Variants in ZNF804A observed in about 807,000 individuals in gnomAD.
The protein encoded by ZNF804A is zinc finger protein 804A.
ZNF804A carries 2 observed loss-of-function variants against 16.5 expected under a neutral mutation model. That is an observed-to-expected ratio of 0.12 (90% CI 0.05 to 0.38). ZNF804A has a LOEUF of 0.38. ZNF804A is among the 10% of genes least tolerant of loss of function. ZNF804A has a pLI of 0.99. For synonymous variants in ZNF804A, 534 were observed against 489.6 expected, an observed-to-expected ratio of 1.09 and a Z score of -1.20; for missense variants, 1,473 against 1,390.7, an observed-to-expected ratio of 1.06 and a Z score of -0.94.
intron 1 of ZNF804A, among the ~76,000 whole-genome samples, chr2:184,678,124 A>G (rs752402649): frequency 9.9e-5 from 15 of 152,156 alleles, no homozygotes; most frequent in Middle Eastern, 3.4e-3. Flanking sequence ...TGTTGTTTTA[A>G]TATATCTCCA....
At chr2:184,889,837 A>G (rs1056169379) in intron 2 of ZNF804A, among the ~76,000 whole-genome samples, 4 of 152,134 alleles carry the variant, frequency 2.6e-5, no homozygotes, top group African/African-American at 9.6e-5. Flanking sequence ...ATTGAAACAT[A>G]TATCTTAATA....
At chr2:184,898,129 G>A (rs1038706568) in intron 2 of ZNF804A, among the ~76,000 whole-genome samples, 11 of 152,020 alleles carry the variant, frequency 7.2e-5, no homozygotes, top group African/African-American at 2.7e-4. Context: ...AAACATGTCA[G>A]TTTTTATTCT....
At chr2:184,768,386 G>C (rs888566383) in intron 1 of ZNF804A, among the ~76,000 whole-genome samples, 3 of 152,022 alleles carry the variant, frequency 2.0e-5, no homozygotes, top group South Asian at 2.1e-4. Context: ...AAAACTCCTA[G>C]TGGACTTTAT....
intron 1 of ZNF804A, among the ~76,000 whole-genome samples, chr2:184,805,737 C>A (rs1174165078): frequency 2.6e-5 from 4 of 151,862 alleles, no homozygotes; most frequent in Non-Finnish European, 5.9e-5. Flanking sequence ...ACTAAGGAAA[C>A]GTGCAAATAT....
chr2:184,662,948 A>G (rs1339753545), intron 1 of ZNF804A, among the ~76,000 whole-genome samples: 1 of 152,244 alleles, frequency 6.6e-6, no homozygotes, highest in Non-Finnish European at 1.5e-5. Flanking sequence ...TTTCTGTAGA[A>G]AATTTACCTA....
chr2:184,647,918 C>T (rs1388482473), intron 1 of ZNF804A, among the ~76,000 whole-genome samples: 2 of 151,998 alleles, frequency 1.3e-5, no homozygotes, highest in Admixed American at 1.3e-4. Flanking sequence ...TTGAATCTCA[C>T]CAAAGGACGT....
intron 1 of ZNF804A, among the ~76,000 whole-genome samples, chr2:184,820,061 A>G (rs1054049675): frequency 5.9e-5 from 9 of 152,108 alleles, no homozygotes; most frequent in Non-Finnish European, 1.0e-4. Flanking sequence ...TCTCTAACTC[A>G]TTATATCAGG....
At chr2:184,860,847 G>A (rs72905786) in intron 1 of ZNF804A, among the ~76,000 whole-genome samples, 7,689 of 152,316 alleles carry the variant, frequency 0.05, 256 homozygotes, top group Middle Eastern at 0.078. Flanking sequence ...TAAAGCCTGG[G>A]GCAATGGCCA....
rs752457648 is a variant in ZNF804A, at chr2:184,690,558, T to G, written c.111+91488T>G. Among the ~76,000 whole-genome samples the G allele has an allele frequency of 9.3e-4, 141 of 152,076 alleles. 1 individual carries two copies. The highest frequency in any genetic ancestry group is 7.8e-4 in the Non-Finnish European group (53 of 67,908). ...AAATTCTAAGCATGGAAATTTCTTA[T>G]GACCTCACAGGTAACTTTACAAAAT... On this transcript the variant is annotated intron_variant, in intron 1 of 3. Transcript: ENST00000302277.
chr2:184,647,577 C>A (rs1293749574), intron 1 of ZNF804A, among the ~76,000 whole-genome samples: 3 of 152,006 alleles, frequency 2.0e-5, no homozygotes, highest in Non-Finnish European at 4.4e-5. Flanking sequence ...GAAAAACTCA[C>A]TTAAGGAATT....
intron 1 of ZNF804A, among the ~76,000 whole-genome samples, chr2:184,731,376 T>C (rs1693516833): frequency 6.6e-6 from 1 of 151,416 alleles, no homozygotes; most frequent in Non-Finnish European, 1.5e-5. Flanking sequence ...CCCATTGCTC[T>C]ACATCCTTGT....
chr2:184,681,874 G>A (rs1259734775), intron 1 of ZNF804A, among the ~76,000 whole-genome samples: 4 of 152,232 alleles, frequency 2.6e-5, no homozygotes, highest in Non-Finnish European at 4.4e-5. Flanking sequence ...TGCCCTCACA[G>A]GCTCCAAAGT....
At chr2:184,776,540 T>C (rs936766263) in intron 1 of ZNF804A, among the ~76,000 whole-genome samples, 1 of 151,342 alleles carries the variant, frequency 6.6e-6, no homozygotes, top group African/African-American at 2.4e-5. Context: ...GTAATTATTC[T>C]CTCTGTCAGA....
At chr2:184,840,745 G>A (rs1254435635) in intron 1 of ZNF804A, among the ~76,000 whole-genome samples, 1 of 152,002 alleles carries the variant, frequency 6.6e-6, no homozygotes, top group Non-Finnish European at 1.5e-5. Context: ...ATTTCTCTCA[G>A]TCATCTCTTA....
chr2:184,651,133 A>G (rs1455384805), intron 1 of ZNF804A, among the ~76,000 whole-genome samples: 1 of 152,132 alleles, frequency 6.6e-6, no homozygotes, highest in Non-Finnish European at 1.5e-5. Flanking sequence ...ACACAGAAAA[A>G]AAGCCATACA....
chr2:184,859,590 T>G (rs188068289), intron 1 of ZNF804A, among the ~76,000 whole-genome samples: 258 of 152,328 alleles, frequency 1.7e-3, no homozygotes, highest in Non-Finnish European at 2.5e-3. Flanking sequence ...CAAGCAGTTT[T>G]TATATCTCCA....
intron 1 of ZNF804A, among the ~76,000 whole-genome samples, chr2:184,745,116 A>G (rs1274123619): frequency 1.3e-5 from 2 of 151,868 alleles, no homozygotes; most frequent in Non-Finnish European, 2.9e-5. Flanking sequence ...GCATAAAAAC[A>G]TGCTTAGTGT....
At chr2:184,629,635 A>C (rs1186511409) in intron 1 of ZNF804A, among the ~76,000 whole-genome samples, 8 of 152,194 alleles carry the variant, frequency 5.3e-5, no homozygotes, top group Non-Finnish European at 8.8e-5. Flanking sequence ...AAGCCTTTTG[A>C]GGTTGATCAT....
chr2:184,666,216 T>C (rs1314677573), intron 1 of ZNF804A, among the ~76,000 whole-genome samples: 1 of 152,160 alleles, frequency 6.6e-6, no homozygotes, highest in Non-Finnish European at 1.5e-5. Context: ...GAAAACTTAA[T>C]TGAATGCAGT....
Sources: allele counts gnomAD v4.1 joint callset (sites outside exome capture counted in the v4.1 genomes callset), GRCh38; gene constraint gnomAD v4.1.1; transcripts MANE v1.5; gene names NCBI Gene and HGNC (gene_info 2026-07-23, HGNC 2026-07-21).